The following PHF20 variants were observed in gnomAD, a reference collection of about 807,000 sequenced individuals.
PHF20 encodes the protein PHD finger protein 20.
Under a neutral mutation model 113.5 loss-of-function variants are expected in PHF20, and 23 were observed. That is an observed-to-expected ratio of 0.20 (90% CI 0.15 to 0.29). PHF20 has a LOEUF of 0.29. Ranked by LOEUF, PHF20 falls within the 10% of genes least tolerant of loss-of-function variation. PHF20 has a pLI of 1.00. For missense variants in PHF20, 943 were observed against 1,219.6 expected (o/e 0.77, Z 3.38); for synonymous variants, 434 against 457.3 (o/e 0.95, Z 0.65).
chr20:35,924,196 T>C (rs967561944), intron 13 of PHF20, among the ~76,000 whole-genome samples: 31 of 150,248 alleles, frequency 2.1e-4, no homozygotes, highest in South Asian at 4.2e-4. Context: ...TCTTTTCTTT[T>C]TTTTTTTTTT....
chr20:35,867,935 T>G (rs189532047), intron 6 of PHF20, among the ~76,000 whole-genome samples: 2 of 152,288 alleles, frequency 1.3e-5, no homozygotes, highest in East Asian at 3.9e-4. Context: ...TTCTTTCTTC[T>G]GCCTGCCTTT....
chr20:35,801,506 C>T lies in PHF20; in HGVS notation c.-17C>T. 4 of 1,591,322 alleles carry T rather than the reference C, an allele frequency of 2.5e-6. No individual in the cohort carries two copies. The highest frequency in any genetic ancestry group is 3.4e-6 in the Non-Finnish European group (4 of 1,161,128). On this transcript the variant is annotated 5_prime_UTR_variant, in exon 2 of 18. Coordinates refer to ENST00000374012, the MANE Select transcript of PHF20 (RefSeq NM_016436.5). ...GCTTTTTCAGGAGAATAAAGGCAGC[C>T]CCGTTGATGACTGAAAATGACAAAG...
chr20:35,781,197 G>A (rs1337311315), intron 1 of PHF20, among the ~76,000 whole-genome samples: 1 of 150,054 alleles, frequency 6.7e-6, no homozygotes, highest in African/African-American at 2.5e-5. Context: ...AGGCTGAAGT[G>A]CAGTGACACG....
intron 13 of PHF20, among the ~76,000 whole-genome samples, chr20:35,918,315 G>A (rs2055445465): frequency 6.6e-6 from 1 of 152,158 alleles, no homozygotes; most frequent in African/African-American, 2.4e-5. Flanking sequence ...ACTGGCTTGG[G>A]AAGCTGAGTT....
chr20:35,914,288 C>A, intron 12 of PHF20, 91 bp downstream of exon 12: 1 of 1,273,576 alleles, frequency 7.9e-7, no homozygotes, highest in South Asian at 1.4e-5. Flanking sequence ...GGTTCTAGGC[C>A]ACTACAATAA....
chr20:35,856,957 A>G (rs2042839644), intron 4 of PHF20, among the ~76,000 whole-genome samples: 1 of 152,160 alleles, frequency 6.6e-6, no homozygotes, highest in South Asian at 2.1e-4. Context: ...GGTACCCGTG[A>G]TTAGCCATTG....
chr20:35,834,059 AAAATAAATAAAT>A (rs560040668), intron 2 of PHF20, among the ~76,000 whole-genome samples: 1 of 148,246 alleles, frequency 6.7e-6, no homozygotes, highest in Admixed American at 6.8e-5. Flanking sequence ...TTCCGTCTCA[AAAATAAATAAAT>A]AAATAAATAA....
chr20:35,913,913 G>T, intron 11 of PHF20, 120 bp from the exon 12 acceptor site: 6 of 927,732 alleles, frequency 6.5e-6, no homozygotes, highest in Middle Eastern at 3.4e-4. Context: ...CTTTTTGGTT[G>T]AATTGTCCCT....
chr20:35,834,939 T>G (rs1295577615), intron 2 of PHF20, among the ~76,000 whole-genome samples: 3 of 152,166 alleles, frequency 2.0e-5, no homozygotes, highest in Admixed American at 6.5e-5. Context: ...TGTACCTGAT[T>G]ATCATTTCAA....
intron 9 of PHF20, among the ~76,000 whole-genome samples, chr20:35,891,036 T>C (rs1402675640): frequency 6.6e-5 from 10 of 152,222 alleles, no homozygotes; most frequent in Admixed American, 6.5e-4. Context: ...CTAGCTCCCA[T>C]GTTTGATGTG....
At position 35,820,442 on chromosome 20, in the gene PHF20, G is replaced by A. The variant is rs73902911; in HGVS notation, c.83+18837G>A. ...TGATAAATGCTAGAAAGTGGAATAA[G>A]TACTTTTTTTTTTTTTTTTTTTGTG... is the stretch of plus-strand genomic sequence containing the variant. On this transcript the variant is annotated intron_variant, in intron 2 of 17. Coordinates refer to ENST00000374012, the MANE Select transcript of PHF20 (RefSeq NM_016436.5). 8.9e-3 allele frequency among the ~76,000 whole-genome samples: 1,302 copies of A among 145,988 alleles called. 14 individuals are homozygous for A. Among genetic ancestry groups the A allele is most frequent in the East Asian group, 0.038 (190 of 4,976 alleles).
At chr20:35,852,458 A>T (rs2425168) in intron 4 of PHF20, among the ~76,000 whole-genome samples, 11,572 of 152,148 alleles carry the variant, frequency 0.076, 679 homozygotes, top group South Asian at 0.2. Context: ...GTGGGAATAG[A>T]TGAGTGTTGT....
intron 2 of PHF20, among the ~76,000 whole-genome samples, chr20:35,833,497 A>G (rs2042388417): frequency 6.6e-6 from 1 of 152,104 alleles, no homozygotes; most frequent in Admixed American, 6.5e-5. Context: ...CATGAATATC[A>G]CTGGTTTATT....
intron 1 of PHF20, among the ~76,000 whole-genome samples, chr20:35,775,548 G>A: frequency 6.6e-6 from 1 of 152,042 alleles, no homozygotes; most frequent in East Asian, 1.9e-4. Context: ...GAGGTCAGGA[G>A]TTCGAGACCA....
At chr20:35,858,275 A>G (rs1454470922) in intron 4 of PHF20, 27 bp from the exon 5 acceptor site, 3 of 1,232,696 alleles carry the variant, frequency 2.4e-6, no homozygotes, top group African/African-American at 3.0e-5. Context: ...TTGTGAGTTA[A>G]AATCATGATA....
chr20:35,926,401 C>A (rs1342781562), intron 13 of PHF20, among the ~76,000 whole-genome samples: 1 of 151,574 alleles, frequency 6.6e-6, no homozygotes, highest in Non-Finnish European at 1.5e-5. Context: ...CCACGCCCGG[C>A]TAATTTTTTT....
At chr20:35,855,367 C>G in intron 4 of PHF20, 1 of 608,678 alleles carries the variant, frequency 1.6e-6, no homozygotes, top group Non-Finnish European at 2.5e-6. Flanking sequence ...TGTTCTTATC[C>G]TTTTATCATA....
At chr20:35,801,662 C>T in intron 2 of PHF20, 57 bp downstream of exon 2, 1 of 1,129,670 alleles carries the variant, frequency 8.9e-7, no homozygotes, top group Non-Finnish European at 1.3e-6. Flanking sequence ...TTTGCCAGCA[C>T]TGATAGAGTG....
At chr20:35,810,264 C>T (rs1342764376) in intron 2 of PHF20, among the ~76,000 whole-genome samples, 1 of 152,156 alleles carries the variant, frequency 6.6e-6, no homozygotes, top group Non-Finnish European at 1.5e-5. Flanking sequence ...AGCCAAGCTA[C>T]AAGTCCTGGG....
Sources: allele counts gnomAD v4.1 joint callset (sites outside exome capture counted in the v4.1 genomes callset), GRCh38; gene constraint gnomAD v4.1.1; transcripts MANE v1.5; gene names NCBI Gene and HGNC (gene_info 2026-07-23, HGNC 2026-07-21).